ALPL: variants seen among roughly 807,000 people sequenced by gnomAD.
ALPL encodes the protein alkaline phosphatase, tissue-nonspecific isozyme.
A neutral mutation model predicts 51.3 loss-of-function variants in ALPL; 42 were observed. The observed-to-expected ratio is 0.82, with a 90% CI of 0.64 to 1.06. The LOEUF is 1.06. Ranked by LOEUF, ALPL falls within the 50% of genes least tolerant of loss-of-function variation. The pLI, the probability that ALPL is intolerant of heterozygous loss-of-function variation, is 0.00. For missense variants in ALPL, 589 were observed against 709.4 expected (o/e 0.83, Z 1.93); for synonymous variants, 279 against 296.4 (o/e 0.94, Z 0.60).
chr1:21,567,428 A>G (rs570743393), intron 6 of ALPL, among the ~76,000 whole-genome samples: 1 of 152,342 alleles, frequency 6.6e-6, no homozygotes, highest in African/African-American at 2.4e-5. Flanking sequence ...GTGACTACAG[A>G]GCCGTGAGGC....
At chr1:21,525,387 T>A (rs1395168940) in intron 1 of ALPL, among the ~76,000 whole-genome samples, 1 of 152,186 alleles carries the variant, frequency 6.6e-6, no homozygotes, top group East Asian at 1.9e-4. Context: ...AGACTATTCC[T>A]GTGATGGAGG....
At chr1:21,566,047 G>A (rs1336304046) in intron 6 of ALPL, among the ~76,000 whole-genome samples, 4 of 152,028 alleles carry the variant, frequency 2.6e-5, no homozygotes, top group Admixed American at 2.0e-4. Context: ...GGGGGGCGGG[G>A]CAAGGGACCC....
intron 11 of ALPL, among the ~76,000 whole-genome samples, chr1:21,576,857 C>T (rs947729014): frequency 1.3e-5 from 2 of 152,084 alleles, no homozygotes; most frequent in Admixed American, 6.5e-5. Context: ...GGGCATGTGA[C>T]TTCATCTTTC....
At chr1:21,530,940 C>T (rs1050562445) in intron 1 of ALPL, among the ~76,000 whole-genome samples, 1 of 146,468 alleles carries the variant, frequency 6.8e-6, no homozygotes, top group Non-Finnish European at 1.5e-5. Context: ...ACCACCACAT[C>T]CAGATCATTT....
At position 21,538,182 on chromosome 1, in the gene ALPL, G is replaced by C. The variant is rs569787059; in HGVS notation, c.-104-15796G>C. Among the ~76,000 whole-genome samples the C allele has an allele frequency of 3.9e-5, 6 of 152,294 alleles. No homozygotes were observed. The South Asian group carries it at 1.0e-3, about 26-fold the overall frequency. ...AGTGACGTAGGCTCTCACCAGGATG[G>C]TCCCCATTTGACGGGTGAGGTGGTG... On this transcript the variant is annotated intron_variant, in intron 1 of 11. Coordinates refer to ENST00000374840, the MANE Select transcript of ALPL (RefSeq NM_000478.6).
chr1:21,575,712 C>T, intron 9 of ALPL, 21 bp from the exon 10 acceptor site: 1 of 1,613,922 alleles, frequency 6.2e-7, no homozygotes, highest in Non-Finnish European at 8.5e-7. Flanking sequence ...CTCACCGAGG[C>T]CTTTGCCTTG....
At chr1:21,542,977 C>T (rs922163425) in intron 1 of ALPL, among the ~76,000 whole-genome samples, 2 of 151,978 alleles carry the variant, frequency 1.3e-5, no homozygotes, top group African/African-American at 4.8e-5. Context: ...CATAGTGAGA[C>T]CCCACCTCTA....
At position 21,560,848 on chromosome 1, in the gene ALPL, C is replaced by G; in HGVS notation, c.181+103C>G. On this transcript the variant is annotated intron_variant, in intron 3 of 11. Coordinates refer to ENST00000374840, the MANE Select transcript of ALPL (RefSeq NM_000478.6). ...GGGCTGTGTTGAAGGGGCTAGGGCT[C>G]TGGAGGAAGGGTGTTTAAAAGGATG... is the stretch of plus-strand genomic sequence containing the variant. 3 of 1,466,660 alleles carry G rather than the reference C, an allele frequency of 2.0e-6. No individual in the cohort carries two copies. The South Asian group carries it at 3.6e-5, about 18-fold the overall frequency. 90.9% of individuals were successfully genotyped at this position (1,466,660 alleles called of 1,614,324 possible). A position where few individuals can be genotyped will look rare whatever the true frequency, so the allele number is the denominator to read the frequency against.
At chr1:21,552,106 T>TCCCCTCC (rs1558542016) in intron 1 of ALPL, among the ~76,000 whole-genome samples, 11,598 of 33,280 alleles carry the variant, frequency 0.35, 1,723 homozygotes, top group Middle Eastern at 0.61. Context: ...CCCTTCCCTT[T>TCCCCTCC]CCTCCCCTTC....
At chr1:21,574,371 A>G (rs1035234937) in intron 9 of ALPL, 2 of 212,068 alleles carry the variant, frequency 9.4e-6, no homozygotes, top group Non-Finnish European at 1.6e-5. Context: ...CCAGTAAAGA[A>G]TAAACCGTGT....
intron 6 of ALPL, among the ~76,000 whole-genome samples, chr1:21,566,842 C>T (rs1644571976): frequency 6.6e-6 from 1 of 152,180 alleles, no homozygotes; most frequent in Non-Finnish European, 1.5e-5. Context: ...AGTGATCCTC[C>T]CGCCTCAGCC....
chr1:21,560,710 A>G lies in ALPL; in HGVS notation c.146A>G (p.Asn49Ser), dbSNP rs868522953. The change falls in exon 3 of 12, where the codon AAC (asparagine) becomes AGC (serine). Residue 49 changes from asparagine to serine, a missense_variant. Asn to Ser is a conservative substitution (Grantham distance 46). Transcript: ENST00000374840. The stretch of plus-strand genomic sequence containing the variant: ...CTGGAGCTTCAGAAGCTCAACACCA[A>G]CGTGGCTAAGAATGTCATCATGTTC... The part of the protein sequence containing the change: ...YALELQKLNT[N>S]VAKNVIMFLG... 2 of 1,613,986 alleles carry G rather than the reference A, an allele frequency of 1.2e-6. No individual in the cohort carries two copies. The highest frequency in any genetic ancestry group is 1.7e-6 in the Non-Finnish European group (2 of 1,180,010).
chr1:21,531,304 AG>A (rs1468089175), intron 1 of ALPL, among the ~76,000 whole-genome samples: 1 of 152,088 alleles, frequency 6.6e-6, no homozygotes, highest in Non-Finnish European at 1.5e-5. Flanking sequence ...TTTGTTGCCC[AG>A]GCTGTCTCAA....
rs141765782 is a variant in ALPL at position 21,522,346 on chromosome 1, T to C, written c.-105+12829T>C. ...GCCTTGGCCTCCCAAAGTGCTGGGA[T>C]TACAGGCGTGAGCCACTGCACCCGG... On this transcript the variant is annotated intron_variant, in intron 1 of 11. Coordinates refer to ENST00000374840, the MANE Select transcript of ALPL (RefSeq NM_000478.6). Among the ~76,000 whole-genome samples, 993 of 152,322 alleles carry C rather than the reference T, an allele frequency of 6.5e-3. 4 individuals carry two copies. The highest frequency in any genetic ancestry group is 0.012 in the Non-Finnish European group (793 of 68,028).
chr1:21,537,638 C>T (rs1019437615), intron 1 of ALPL, among the ~76,000 whole-genome samples: 1 of 152,206 alleles, frequency 6.6e-6, no homozygotes, highest in Non-Finnish European at 1.5e-5. Flanking sequence ...CTCCCTGTGC[C>T]TGGGATGGCT....
At chr1:21,520,249 G>A (rs1191251803) in intron 1 of ALPL, among the ~76,000 whole-genome samples, 9 of 151,852 alleles carry the variant, frequency 5.9e-5, no homozygotes, top group African/African-American at 1.9e-4. Flanking sequence ...TCAGCCTCCC[G>A]AGTAGCTGGA....
chr1:21,510,344 A>G (rs905924244), intron 1 of ALPL, among the ~76,000 whole-genome samples: 1 of 152,158 alleles, frequency 6.6e-6, no homozygotes, highest in African/African-American at 2.4e-5. Flanking sequence ...CGGGGCCTTT[A>G]CAAAGGCCTC....
intron 1 of ALPL, among the ~76,000 whole-genome samples, chr1:21,520,284 C>G (rs778151890): frequency 6.6e-6 from 1 of 151,672 alleles, no homozygotes; most frequent in Non-Finnish European, 1.5e-5. Context: ...CCACCATGCC[C>G]AGCTAATTTT....
intron 1 of ALPL, among the ~76,000 whole-genome samples, chr1:21,543,832 G>T (rs563825029): frequency 4.6e-5 from 7 of 152,328 alleles, no homozygotes; most frequent in African/African-American, 1.4e-4. Context: ...GTCCTGCCAG[G>T]TACAAGCTGG....
Sources: allele counts gnomAD v4.1 joint callset (sites outside exome capture counted in the v4.1 genomes callset), GRCh38; gene constraint gnomAD v4.1.1; transcripts MANE v1.5; gene names NCBI Gene and HGNC (gene_info 2026-07-23, HGNC 2026-07-21).